Variants in NANOS3 observed in about 807,000 individuals in gnomAD.
NANOS3 encodes the protein nanos homolog 3.
Under a neutral mutation model 13.8 loss-of-function variants are expected in NANOS3, and 11 were observed. The observed-to-expected ratio is 0.80, with a 90% CI of 0.50 to 1.32. NANOS3 has a LOEUF of 1.32. NANOS3 is among the 40% of genes most tolerant of loss of function. The pLI is 0.00. For missense variants in NANOS3, 221 were observed against 263.8 expected (o/e 0.84, Z 1.12); for synonymous variants, 119 against 115.4 (o/e 1.03, Z -0.20).
At chr19:13,879,545 G>T (rs991597852) in intron 1 of NANOS3, among the ~76,000 whole-genome samples, 1 of 152,202 alleles carries the variant, frequency 6.6e-6, no homozygotes, top group Non-Finnish European at 1.5e-5. Context: ...AGACCAGCCA[G>T]GGCAACATGG....
chr19:13,866,559 C>T lies in NANOS3; in HGVS notation n.21+1122C>T, dbSNP rs115336165. On this transcript the variant is annotated intron_variant and non_coding_transcript_variant, in intron 1 of 2. Coordinates refer to the NANOS3 transcript ENST00000591161. ...AATAACACTGCCACGTGTGTAGACA[C>T]GTCACCCACAAGGGCTCGGACATCC... Among the ~76,000 whole-genome samples the T allele has an allele frequency of 2.0e-3, 304 of 152,328 alleles. 1 individual carries two copies. The highest frequency in any genetic ancestry group is 7.0e-3 in the African/African-American group (291 of 41,568).
upstream of NANOS3, among the ~76,000 whole-genome samples, chr19:13,864,796 G>T (rs1976206445): frequency 6.6e-6 from 1 of 152,112 alleles, no homozygotes; most frequent in South Asian, 2.1e-4. Flanking sequence ...TGTGTACCTT[G>T]CATGTGTCTG....
rs770769576 is a variant in NANOS3 at position 13,880,540 on chromosome 19, G to A, written c.*37G>A. 6.3e-6 allele frequency: 10 copies of A among 1,598,814 alleles called. No individual in the cohort carries two copies. The highest frequency in any genetic ancestry group is 1.1e-5 in the South Asian group (1 of 90,286). ...CACCTGGGCAAGGGCACCCGGGCTC[G>A]GCTGGATTTCCAGGAAGACCCACCC... On this transcript the variant is annotated 3_prime_UTR_variant, in exon 2 of 2. Transcript: ENST00000339133.
upstream of NANOS3, among the ~76,000 whole-genome samples, chr19:13,872,490 A>G (rs1488366565): frequency 1.3e-5 from 2 of 152,178 alleles, no homozygotes; most frequent in Non-Finnish European, 2.9e-5. Flanking sequence ...AGGAATCTTG[A>G]GAGTTCTGGA....
At chr19:13,865,469 C>T (rs1443746498) in intron 1 of NANOS3, 1 of 141,582 alleles carries the variant, frequency 7.1e-6, no homozygotes, top group Non-Finnish European at 1.6e-5. Context: ...GCCGGGGGCA[C>T]GGGCGGGGCG....
upstream of NANOS3, among the ~76,000 whole-genome samples, chr19:13,863,238 CTCTG>C (rs760584830): frequency 3.0e-4 from 45 of 152,132 alleles, no homozygotes; most frequent in East Asian, 7.7e-4. Context: ...GAGATGAAGT[CTCTG>C]TCTGTTGCAC....
upstream of NANOS3, among the ~76,000 whole-genome samples, chr19:13,872,358 AAAAGAG>A (rs1441246010): frequency 2.1e-5 from 3 of 141,960 alleles, no homozygotes; most frequent in South Asian, 2.1e-4. Context: ...AAAAAAAAAA[AAAAGAG>A]AGAGAGAGAG....
chr19:13,873,273 C>T (rs1400866770), upstream of NANOS3, among the ~76,000 whole-genome samples: 1 of 129,482 alleles, frequency 7.7e-6, no homozygotes, highest in Non-Finnish European at 1.6e-5. Flanking sequence ...GTGGGTGGGG[C>T]TCTCGGGGGC....
In NANOS3 at chr19:13,868,466, G is replaced by C. The variant is rs1160796877; in HGVS notation, n.21+3029G>C. 2.0e-5 allele frequency among the ~76,000 whole-genome samples: 3 copies of C among 151,106 alleles called. No homozygotes were observed. The East Asian group carries it at 6.1e-4, about 31-fold the overall frequency. On this transcript the variant is annotated intron_variant and non_coding_transcript_variant, in intron 1 of 2. Coordinates refer to the NANOS3 transcript ENST00000591161. Reference sequence around the variant, plus strand: ...TGAACGAGCACAGTGGTTCACGCCTGTAATCTCAGCACTTTGGGAGGCCGA... The same window carrying C: ...TGAACGAGCACAGTGGTTCACGCCTCTAATCTCAGCACTTTGGGAGGCCGA...
At chr19:13,870,524 G>A (rs1406592412) in intron 1 of NANOS3, among the ~76,000 whole-genome samples, 1 of 149,412 alleles carries the variant, frequency 6.7e-6, no homozygotes, top group Non-Finnish European at 1.5e-5. Flanking sequence ...GGTGCTATGT[G>A]TGGGGGGGTG....
upstream of NANOS3, among the ~76,000 whole-genome samples, chr19:13,863,917 G>A (rs1158469199): frequency 1.3e-5 from 2 of 152,044 alleles, no homozygotes; most frequent in Non-Finnish European, 1.5e-5. Flanking sequence ...TGAGGGGTGC[G>A]CGATCAGGTG....
chr19:13,868,682 T>TA (rs1244661695), intron 1 of NANOS3, among the ~76,000 whole-genome samples: 50 of 108,720 alleles, frequency 4.6e-4, no homozygotes, highest in Admixed American at 2.7e-3. Flanking sequence ...CTAGTCTCTT[T>TA]TAAAAAAAAA....
rs2145085922 is a variant in NANOS3 at position 13,880,618 on chromosome 19, T to C, written c.*115T>C. On this transcript the variant is annotated 3_prime_UTR_variant, in exon 2 of 2. Coordinates refer to ENST00000339133, the MANE Select transcript of NANOS3 (RefSeq NM_001098622.3). Reference sequence around the variant, plus strand: ...CTCCCCCCAGCCTGGGATTGAGCCCTGGGGATGACCCGGGGTTGGCAAGGG... The same window carrying C: ...CTCCCCCCAGCCTGGGATTGAGCCCCGGGGATGACCCGGGGTTGGCAAGGG... 1.1e-6 allele frequency: 1 copy of C among 886,328 alleles called. No homozygotes were observed. The highest frequency in any genetic ancestry group is 1.8e-6 in the Non-Finnish European group (1 of 548,424). The allele number at this position is 886,328 out of a possible 1,614,324, so 54.9% of individuals were successfully genotyped here. A position where few individuals can be genotyped will look rare whatever the true frequency, so the allele number is the denominator to read the frequency against.
intron 1 of NANOS3, 143 bp from the exon 2 acceptor site, chr19:13,880,299 G>A (rs549555671): frequency 2.9e-6 from 2 of 697,442 alleles, no homozygotes; most frequent in South Asian, 1.8e-5. Context: ...CGGAGCCAGA[G>A]ACGTCACGGG....
upstream of NANOS3, among the ~76,000 whole-genome samples, chr19:13,874,112 T>C (rs1968457686): frequency 6.6e-6 from 1 of 152,146 alleles, no homozygotes; most frequent in Admixed American, 6.5e-5. Flanking sequence ...GCGCCCTCTC[T>C]GAACCTCCTG....
At chr19:13,870,710 G>C (rs1019046717) in intron 1 of NANOS3, among the ~76,000 whole-genome samples, 1 of 151,742 alleles carries the variant, frequency 6.6e-6, no homozygotes. Flanking sequence ...TGGGACTACA[G>C]GTGTGCGCCA....
At chr19:13,879,140 A>G (rs1968579082) in intron 1 of NANOS3, among the ~76,000 whole-genome samples, 1 of 151,524 alleles carries the variant, frequency 6.6e-6, no homozygotes, top group South Asian at 2.1e-4. Flanking sequence ...GGATTTCACC[A>G]TCTTGGCCAG....
At chr19:13,874,814 C>T (rs778352709), upstream of NANOS3, 18 of 532,424 alleles carry the variant, frequency 3.4e-5, no homozygotes, top group Admixed American at 5.8e-5. Context: ...ATCCTCCTGC[C>T]GGTGACTCTG....
chr19:13,872,757 C>A (rs1006039643), upstream of NANOS3, among the ~76,000 whole-genome samples: 1 of 152,188 alleles, frequency 6.6e-6, no homozygotes, highest in African/African-American at 2.4e-5. Context: ...CCCCACTCCA[C>A]AGCCTGAATG....
Sources: allele counts gnomAD v4.1 joint callset (sites outside exome capture counted in the v4.1 genomes callset), GRCh38; gene constraint gnomAD v4.1.1; transcripts MANE v1.5; gene names NCBI Gene and HGNC (gene_info 2026-07-23, HGNC 2026-07-21).